AMDHD1: variants seen among roughly 807,000 people sequenced by gnomAD.
AMDHD1 encodes the protein probable imidazolonepropionase.
Under a neutral mutation model 44.1 loss-of-function variants are expected in AMDHD1, and 45 were observed. The observed-to-expected ratio is 1.02, with a 90% CI of 0.80 to 1.31. The LOEUF (loss-of-function observed/expected upper bound fraction) is 1.31. Ranked by LOEUF, AMDHD1 falls within the 50% of genes most tolerant of loss-of-function variation. AMDHD1 has a pLI of 0.00. For missense variants in AMDHD1, 586 were observed against 552.1 expected, an observed-to-expected ratio of 1.06 and a Z score of -0.61; for synonymous variants, 206 against 205.0, an observed-to-expected ratio of 1.00 and a Z score of -0.04.
At chr12:95,947,635 C>G (rs1158310467) in intron 1 of AMDHD1, among the ~76,000 whole-genome samples, 1 of 60,856 alleles carries the variant, frequency 1.6e-5, no homozygotes. Context: ...GGGGGTCAGC[C>G]CCCCGCCCGG....
intron 6 of AMDHD1, among the ~76,000 whole-genome samples, chr12:95,964,011 A>G (rs1024914223): frequency 6.9e-6 from 1 of 145,936 alleles, no homozygotes; most frequent in East Asian, 2.2e-4. Flanking sequence ...CCTGGGCAAC[A>G]GAGTGAGTGA....
chr12:95,946,065 G>GTGTT (rs1488368317), intron 1 of AMDHD1, among the ~76,000 whole-genome samples: 1 of 146,714 alleles, frequency 6.8e-6, no homozygotes, highest in African/African-American at 2.5e-5. Context: ...TTCTCTCTGT[G>GTGTT]TGTGTGTGTG....
intron 5 of AMDHD1, 123 bp downstream of exon 5, chr12:95,960,746 C>G: frequency 9.7e-7 from 1 of 1,029,624 alleles, no homozygotes. Flanking sequence ...TTTGTTTGAA[C>G]AATGTACAGA....
intron 7 of AMDHD1, 140 bp downstream of exon 7, chr12:95,965,919 C>T: frequency 1.6e-6 from 1 of 607,660 alleles, no homozygotes; most frequent in Non-Finnish European, 2.7e-6. Flanking sequence ...AAGGGGTAGA[C>T]AGCAGTGTAA....
In AMDHD1 at chr12:95,946,021, G is replaced by C. The variant is rs1018665727; in HGVS notation, c.137+2486G>C. On this transcript the variant is annotated intron_variant, in intron 1 of 8. Coordinates refer to ENST00000266736, the MANE Select transcript of AMDHD1 (RefSeq NM_152435.3). ...GTGTTCATTCATTTAGGTCTCTAAA[G>C]GTATCTCATTCTTAAATTAAGTTCT... Among the ~76,000 whole-genome samples, 5 of 151,220 alleles carry C rather than the reference G, an allele frequency of 3.3e-5. No individual in the cohort carries two copies. In the South Asian group the frequency reaches 6.3e-4, roughly 19 times the overall value.
At position 95,962,488 on chromosome 12, in the gene AMDHD1, G is replaced by A. The variant is rs1243320402; in HGVS notation, c.938+9G>A. The stretch of plus-strand genomic sequence containing the variant: ...ACAGCCTACATGCTGAGGTAAGGTC[G>A]TTTCTCACCCCAGACCAAGAGCTGC... On this transcript the variant is annotated intron_variant, in intron 6 of 8. Transcript: ENST00000266736. The A allele has an allele frequency of 3.9e-6, 6 of 1,540,586 alleles. No homozygotes were observed. The highest frequency in any genetic ancestry group is 2.3e-5 in the South Asian group (2 of 88,624).
chr12:95,965,860 T>C, intron 7 of AMDHD1, 81 bp downstream of exon 7: 1 of 916,328 alleles, frequency 1.1e-6, no homozygotes, highest in East Asian at 2.9e-5. Context: ...CACTAGCTTT[T>C]AAAACAGTAT....
chr12:95,962,008 C>T (rs2080584415), intron 5 of AMDHD1, among the ~76,000 whole-genome samples: 2 of 152,212 alleles, frequency 1.3e-5, no homozygotes, highest in Non-Finnish European at 2.9e-5. Context: ...TGGCTCACGC[C>T]TGTAATCCTA....
chr12:95,959,154 G>A (rs1000460880), intron 4 of AMDHD1, among the ~76,000 whole-genome samples: 2 of 152,192 alleles, frequency 1.3e-5, no homozygotes, highest in Non-Finnish European at 2.9e-5. Flanking sequence ...TACCCAAATG[G>A]TTTTGCTGAG....
intron 1 of AMDHD1, among the ~76,000 whole-genome samples, chr12:95,945,761 T>G (rs1018611103): frequency 8.5e-5 from 12 of 141,320 alleles, no homozygotes; most frequent in African/African-American, 3.0e-4. Context: ...AGCCCAGAAT[T>G]GGATGGATTT....
intron 3 of AMDHD1, among the ~76,000 whole-genome samples, chr12:95,956,025 G>T (rs2080547506): frequency 6.6e-6 from 1 of 152,198 alleles, no homozygotes; most frequent in Non-Finnish European, 1.5e-5. Flanking sequence ...TGGAGGGAGG[G>T]CTGATACTTA....
chr12:95,955,175 T>C (rs1159760220), intron 3 of AMDHD1, among the ~76,000 whole-genome samples, 200 bp downstream of exon 3: 1 of 152,204 alleles, frequency 6.6e-6, no homozygotes, highest in East Asian at 1.9e-4. Flanking sequence ...CACAGGGCTA[T>C]TCCTGCCCAC....
intron 8 of AMDHD1, 74 bp downstream of exon 8, chr12:95,966,582 C>A: frequency 6.5e-7 from 1 of 1,545,786 alleles, no homozygotes; most frequent in Non-Finnish European, 8.9e-7. Flanking sequence ...ATCCCTTTTC[C>A]ACTAATTATT....
In AMDHD1 at chr12:95,948,539, G is replaced by C. The variant is rs1404774635; in HGVS notation, c.138-4178G>C. ...CAGCTGCCCCGTCCGGGAGGGAGGT[G>C]GGGGGGGGGTCAGCCCCCACCGCCC... is the stretch of plus-strand genomic sequence containing the variant. On this transcript the variant is annotated intron_variant, in intron 1 of 8. Transcript: ENST00000266736. Among the ~76,000 whole-genome samples the C allele has an allele frequency of 3.8e-5, 2 of 53,020 alleles. 1 individual carries two copies. The highest frequency in any genetic ancestry group is 3.0e-4 in the African/African-American group (2 of 6,614). 34.8% of individuals were successfully genotyped at this position (53,020 alleles called of 152,430 possible). A position where few individuals can be genotyped will look rare whatever the true frequency, so the allele number is the denominator to read the frequency against.
At chr12:95,945,974 A>T (rs914460512) in intron 1 of AMDHD1, among the ~76,000 whole-genome samples, 1 of 152,124 alleles carries the variant, frequency 6.6e-6, no homozygotes, top group African/African-American at 2.4e-5. Context: ...ATTGTCTGCC[A>T]TAGGGTGTAA....
intron 1 of AMDHD1, among the ~76,000 whole-genome samples, chr12:95,945,873 T>C (rs183734657): frequency 6.6e-6 from 1 of 152,192 alleles, no homozygotes; most frequent in Admixed American, 6.5e-5. Flanking sequence ...TAATCCCCTA[T>C]ATGCTATAGA....
chr12:95,955,322 C>CA (rs1293177027), intron 3 of AMDHD1, among the ~76,000 whole-genome samples: 3 of 152,098 alleles, frequency 2.0e-5, no homozygotes, highest in African/African-American at 7.2e-5. Flanking sequence ...TTACTAATCA[C>CA]AAAAATAAAA....
chr12:95,965,648 C>G (rs4762658), intron 6 of AMDHD1, 38 bp from the exon 7 acceptor site: 918,044 of 1,434,452 alleles, frequency 0.64, 295,305 homozygotes, highest in African/African-American at 0.74. Flanking sequence ...ACAAAAGCTC[C>G]CATTCTAGAG....
At chr12:95,961,043 G>A (rs2080579026) in intron 5 of AMDHD1, among the ~76,000 whole-genome samples, 1 of 151,384 alleles carries the variant, frequency 6.6e-6, no homozygotes, top group Non-Finnish European at 1.5e-5. Flanking sequence ...CTACTCGGGA[G>A]GCTGAGGCAG....
Sources: gnomAD v4.1 joint callset for allele counts (sites outside exome capture counted in the v4.1 genomes callset) on GRCh38, gnomAD v4.1.1 for gene constraint, MANE v1.5 for transcripts, NCBI Gene and HGNC (gene_info 2026-07-23, HGNC 2026-07-21) for gene names.